USP54: variants seen among roughly 807,000 people sequenced by gnomAD.
USP54 encodes ubiquitin carboxyl-terminal hydrolase 54.
A neutral mutation model predicts 170.5 loss-of-function variants in USP54; 87 were observed. That is an observed-to-expected ratio of 0.51 (90% confidence interval 0.43 to 0.61). The LOEUF is 0.61. Among genes scored for constraint, USP54 ranks in the 20% least tolerant of loss-of-function variants. The probability of loss-of-function intolerance (pLI) is 0.00; values close to 1 mark genes in which losing one functional copy is unlikely to be tolerated. For missense variants in USP54, 1,786 were observed against 2,047.8 expected, an observed-to-expected ratio of 0.87 and a Z score of 2.47; for synonymous variants, 655 against 742.8, an observed-to-expected ratio of 0.88 and a Z score of 1.92.
intron 4 of USP54, among the ~76,000 whole-genome samples, chr10:73,561,621 G>A (rs922053140): frequency 3.3e-5 from 5 of 152,226 alleles, no homozygotes; most frequent in Non-Finnish European, 5.9e-5. Context: ...GACATAGCAA[G>A]TGCATTGTTA....
chr10:73,500,369 C>T (rs1360289721), intron 23 of USP54, among the ~76,000 whole-genome samples: 1 of 152,166 alleles, frequency 6.6e-6, no homozygotes, highest in Non-Finnish European at 1.5e-5. Context: ...GTATTAACTC[C>T]CCTTTGTCAG....
At chr10:73,513,224 GAGGCTGACGC>G (rs1041107963) in intron 20 of USP54, 2 of 152,126 alleles carry the variant, frequency 1.3e-5, no homozygotes, top group Non-Finnish European at 2.9e-5. Context: ...AGCACTTTGG[GAGGCTGACGC>G]AGGCGGATTA....
chr10:73,608,940 C>T (rs2079905689), intron 1 of USP54, among the ~76,000 whole-genome samples: 1 of 152,026 alleles, frequency 6.6e-6, no homozygotes. Context: ...AAGGCATAGG[C>T]CCTAGGAATA....
intron 4 of USP54, among the ~76,000 whole-genome samples, chr10:73,552,043 A>AG (rs1269019788): frequency 6.6e-6 from 1 of 152,180 alleles, no homozygotes; most frequent in Non-Finnish European, 1.5e-5. Context: ...AGAGAAAGAC[A>AG]GGGCTCCACT....
chr10:73,608,352 G>A (rs2079851165), intron 1 of USP54, among the ~76,000 whole-genome samples: 1 of 151,998 alleles, frequency 6.6e-6, no homozygotes, highest in Admixed American at 6.6e-5. Context: ...TAACCAAAAT[G>A]AGTTTGACTG....
In USP54 at chr10:73,543,158, T is replaced by C. The variant is rs570871526; in HGVS notation, c.376-27A>G. On this transcript the variant is annotated intron_variant, in intron 5 of 23. Transcript: ENST00000687698. Reference sequence around the variant, plus strand: ...TGACAGGGAAAGAACAAAAGCAGTATACCAACAATATTTAATAGACAAATA... The same window carrying C: ...TGACAGGGAAAGAACAAAAGCAGTACACCAACAATATTTAATAGACAAATA... 4,343 of 1,487,270 alleles carry C rather than the reference T, an allele frequency of 2.9e-3. 136 individuals are homozygous for C. In the South Asian group the frequency reaches 0.046, roughly 16 times the overall value. The allele number at this position is 1,487,270 out of a possible 1,614,324, so 92.1% of individuals were successfully genotyped here. A position where few individuals can be genotyped will look rare whatever the true frequency, so the allele number is the denominator to read the frequency against.
chr10:73,560,744 G>A (rs1252740147), intron 4 of USP54, among the ~76,000 whole-genome samples: 1 of 150,554 alleles, frequency 6.6e-6, no homozygotes, highest in Non-Finnish European at 1.5e-5. Flanking sequence ...GGACAAGAGT[G>A]AGAAAGGTCA....
At position 73,619,984 on chromosome 10, in the gene USP54, T is replaced by C. The variant is rs887645507; in HGVS notation, c.-18+5583A>G. On this transcript the variant is annotated intron_variant, in intron 1 of 22. Coordinates refer to the USP54 transcript ENST00000339859. ...ACTGGAAACCAGGACATCTGGGACA[T>C]TGCAGCTGTGTGACTTTGGGTAAGT... Among the ~76,000 whole-genome samples the C allele has an allele frequency of 1.1e-4, 17 of 150,324 alleles. 1 individual carries two copies. Among genetic ancestry groups the C allele is most frequent in the African/African-American group, 4.3e-4 (17 of 39,756 alleles).
At chr10:73,616,221 C>G (rs1200480000) in intron 1 of USP54, among the ~76,000 whole-genome samples, 1 of 147,740 alleles carries the variant, frequency 6.8e-6, no homozygotes, top group African/African-American at 2.6e-5. Context: ...GCCTGTAATG[C>G]TAGCTACTTG....
intron 1 of USP54, among the ~76,000 whole-genome samples, chr10:73,620,201 TA>T (rs2080973402): frequency 6.7e-6 from 1 of 149,422 alleles, no homozygotes; most frequent in East Asian, 1.9e-4. Context: ...TAGTCCCAGC[TA>T]CTCAGGAGGC....
intron 1 of USP54, among the ~76,000 whole-genome samples, chr10:73,607,192 C>A (rs551733837): frequency 1.3e-5 from 2 of 151,676 alleles, no homozygotes; most frequent in Non-Finnish European, 2.9e-5. Context: ...CACCTGTAGT[C>A]CCAACTACTC....
chr10:73,512,841 GTATCAATATTT>G (rs1564638368), intron 20 of USP54, among the ~76,000 whole-genome samples: 1 of 152,098 alleles, frequency 6.6e-6, no homozygotes, highest in Non-Finnish European at 1.5e-5. Context: ...TGGCCAGTAT[GTATCAATATTT>G]TTTTTAAGTT....
rs1220637826 is a variant in USP54, at chr10:73,517,047, C to T, written c.3379G>A (p.Gly1127Arg). The T allele has an allele frequency of 2.5e-6, 4 of 1,614,092 alleles. No individual in the cohort carries two copies. Among genetic ancestry groups the T allele is most frequent in the Non-Finnish European group, 3.4e-6 (4 of 1,180,058 alleles). The change falls in exon 20 of 24, where the codon GGG becomes AGG. Residue 1127 changes from glycine (G) to arginine (R), a missense_variant. Physicochemically the swap from Gly to Arg is moderately radical, Grantham distance 125 (BLOSUM62 -2). Around this residue, in one of 3 missense-constraint regions of USP54, gnomAD observed 1,418 missense variants for 1,569.0 expected, o/e 0.90. Coordinates refer to ENST00000687698, the MANE Select transcript of USP54 (RefSeq NM_001391956.1). ...TGCTCAGCCAGAGAACGGACAAGCC[C>T]CTTTGTGCTGGGAAACTCTGGCCTA... Reference protein sequence around the residue: ...TYRPEFPSTKGLVRSLAEQFQ... With the variant: ...TYRPEFPSTKRLVRSLAEQFQ...
chr10:73,516,467 T>A lies in USP54; in HGVS notation c.3959A>T (p.Glu1320Val). 6.2e-7 allele frequency: 1 copy of A among 1,613,980 alleles called. No individual in the cohort carries two copies. The highest frequency in any genetic ancestry group is 8.5e-7 in the Non-Finnish European group (1 of 1,180,022). ...QDTEQETSEL[E>V]SLYQASLQAS... ...CTGAAGACTGGCCTGATACAGAGAC[T>A]CCAATTCTGAGGTCTCCTGCTCTGT... The change falls in exon 20 of 24, where the codon GAG (glutamate) becomes GTG (valine). Residue 1320 changes from glutamate to valine, a missense_variant. By Grantham distance (121) the Glu-to-Val change is moderately radical. Around this residue, in one of 3 missense-constraint regions of USP54, gnomAD observed 1,418 missense variants for 1,569.0 expected, o/e 0.90. Coordinates refer to ENST00000687698, the MANE Select transcript of USP54 (RefSeq NM_001391956.1).
Position 73,582,323 on chromosome 10 carries a change from G to A in USP54, c.-581-5962C>T, listed in dbSNP as rs185187324. Among the ~76,000 whole-genome samples the A allele has an allele frequency of 9.2e-5, 14 of 152,206 alleles. No individual in the cohort carries two copies. The East Asian group carries it at 1.7e-3, about 19-fold the overall frequency. ...AATGAAGACTAGATAGAATTTGTTC[G>A]TGCAAAGCCTGGGAACCCTTTGATA... is the stretch of plus-strand genomic sequence containing the variant. On this transcript the variant is annotated intron_variant, in intron 1 of 23. Coordinates refer to ENST00000687698, the MANE Select transcript of USP54 (RefSeq NM_001391956.1).
chr10:73,609,505 A>C (rs1215805523), intron 1 of USP54, among the ~76,000 whole-genome samples: 1 of 152,114 alleles, frequency 6.6e-6, no homozygotes, highest in Non-Finnish European at 1.5e-5. Context: ...TGAGGTCAGG[A>C]GTTCAAGACC....
intron 17 of USP54, among the ~76,000 whole-genome samples, chr10:73,522,862 C>G (rs1425259265): frequency 2.0e-5 from 3 of 152,182 alleles, no homozygotes; most frequent in Non-Finnish European, 4.4e-5. Flanking sequence ...CTTGCACTTA[C>G]AAACTGGGAC....
chr10:73,510,929 C>T (rs1291749162), intron 20 of USP54, among the ~76,000 whole-genome samples: 1 of 152,008 alleles, frequency 6.6e-6, no homozygotes, highest in African/African-American at 2.4e-5. Context: ...CAAAATTAAT[C>T]TGGTTACAAA....
chr10:73,552,394 T>G (rs1379214331), intron 4 of USP54, among the ~76,000 whole-genome samples: 1 of 141,398 alleles, frequency 7.1e-6, no homozygotes, highest in South Asian at 2.2e-4. Flanking sequence ...GCCTGGGTGA[T>G]AGAGTGAGGC....
Sources: allele counts gnomAD v4.1 joint callset (sites outside exome capture counted in the v4.1 genomes callset), GRCh38; gene constraint gnomAD v4.1.1; regional missense constraint gnomAD v4.1.1; transcripts MANE v1.5; gene names NCBI Gene and HGNC (gene_info 2026-07-23, HGNC 2026-07-21).